Variants in CDH17 observed in about 807,000 individuals in gnomAD.
CDH17 encodes cadherin 17.
Under a neutral mutation model 86.3 loss-of-function variants are expected in CDH17, and 67 were observed. The ratio of observed to expected loss-of-function variants is 0.78; its 90% CI spans 0.64 to 0.95. CDH17 has a LOEUF of 0.95. CDH17 is among the 40% of genes least tolerant of loss of function. CDH17 has a pLI of 0.00. For missense variants in CDH17, 993 were observed against 1,017.6 expected, an observed-to-expected ratio of 0.98 and a Z score of 0.33; for synonymous variants, 367 against 366.4, an observed-to-expected ratio of 1.00 and a Z score of -0.02.
At chr8:94,166,517 G>T (rs1299697519) in intron 9 of CDH17, among the ~76,000 whole-genome samples, 1 of 152,198 alleles carries the variant, frequency 6.6e-6, no homozygotes, top group Non-Finnish European at 1.5e-5. Flanking sequence ...GGAAGATGTA[G>T]CCTAGAACAG....
chr8:94,188,043 T>C (rs550928024), intron 3 of CDH17, among the ~76,000 whole-genome samples: 152 of 152,228 alleles, frequency 1.0e-3, no homozygotes, highest in African/African-American at 3.4e-3. Flanking sequence ...CTCTCCTCTG[T>C]GGAGGGGAAC....
chr8:94,152,189 A>T, intron 12 of CDH17, 77 bp from the exon 13 acceptor site: 1 of 1,481,172 alleles, frequency 6.8e-7, no homozygotes, highest in Non-Finnish European at 9.2e-7. Flanking sequence ...TCCTTCTTAA[A>T]CTCTCATATA....
chr8:94,182,974 C>A (rs1813511057), intron 3 of CDH17, among the ~76,000 whole-genome samples: 1 of 151,796 alleles, frequency 6.6e-6, no homozygotes, highest in African/African-American at 2.4e-5. Flanking sequence ...AAATAGCAAC[C>A]CAAAAATGAT....
At position 94,195,847 on chromosome 8, in the gene CDH17, G is replaced by A. The variant is rs979773634; in HGVS notation, c.-20-1142C>T. Among the ~76,000 whole-genome samples, 6 of 151,160 alleles carry A rather than the reference G, an allele frequency of 4.0e-5. No homozygotes were observed. In the East Asian group the frequency reaches 7.8e-4, roughly 20 times the overall value. On this transcript the variant is annotated intron_variant, in intron 1 of 17. Coordinates refer to ENST00000027335, the MANE Select transcript of CDH17 (RefSeq NM_004063.4). ...ACGATCTCAGCTTATTGCAAGCTCC[G>A]CCTCCCAGGTTTACACCATTCTCCT...
At chr8:94,214,099 C>G (rs1389625690) in intron 1 of CDH17, among the ~76,000 whole-genome samples, 1 of 152,212 alleles carries the variant, frequency 6.6e-6, no homozygotes, top group Non-Finnish European at 1.5e-5. Flanking sequence ...ATGTGCACAA[C>G]AAACTCCACA....
chr8:94,206,263 C>T (rs1435214960), intron 1 of CDH17, among the ~76,000 whole-genome samples: 4 of 152,078 alleles, frequency 2.6e-5, no homozygotes, highest in Non-Finnish European at 5.9e-5. Context: ...AGTAAACATT[C>T]CTTCTTCTTC....
intron 3 of CDH17, among the ~76,000 whole-genome samples, chr8:94,188,915 G>A (rs1813631429): frequency 6.6e-6 from 1 of 152,154 alleles, no homozygotes; most frequent in Non-Finnish European, 1.5e-5. Context: ...TACTCTAGGG[G>A]AGAGGCAGAG....
At chr8:94,189,909 G>GA (rs888974264) in intron 2 of CDH17, among the ~76,000 whole-genome samples, 46 of 152,202 alleles carry the variant, frequency 3.0e-4, no homozygotes, top group African/African-American at 1.1e-3. Flanking sequence ...CATTCATTTA[G>GA]AAAAAAATAA....
rs1586250245 is a variant in CDH17, at chr8:94,160,011, G to C, written c.1511C>G (p.Thr504Arg). 4.3e-6 allele frequency: 7 copies of C among 1,613,274 alleles called. No individual in the cohort carries two copies. Among genetic ancestry groups the C allele is most frequent in the Non-Finnish European group, 5.9e-6 (7 of 1,179,562 alleles). The change falls in exon 12 of 18, where the codon ACA becomes AGA. Residue 504 changes from threonine (T) to arginine (R), a missense_variant. Thr to Arg is a moderately conservative substitution (Grantham distance 71, BLOSUM62 -1). Coordinates refer to ENST00000027335, the MANE Select transcript of CDH17 (RefSeq NM_004063.4). ...ATATCCGGTGTTGGTATGGGGATCT[G>C]TGTCAACCCCCAGGCGTCCCTCACT... ...GDSEGRLGVD[T>R]DPHTNTGYVI... is the part of the protein sequence containing the mutation.
At chr8:94,197,822 C>T (rs1202551213) in intron 1 of CDH17, among the ~76,000 whole-genome samples, 1 of 131,790 alleles carries the variant, frequency 7.6e-6, no homozygotes, top group Admixed American at 7.8e-5. Context: ...TGGAACGAGA[C>T]TCTGTCTAAA....
intron 14 of CDH17, among the ~76,000 whole-genome samples, chr8:94,147,557 T>C (rs1812767916): frequency 1.3e-5 from 2 of 152,312 alleles, no homozygotes; most frequent in African/African-American, 2.4e-5. Flanking sequence ...TCTTTTTTGG[T>C]AAACCTGCCA....
chr8:94,154,694 A>G (rs1399398264), intron 12 of CDH17, among the ~76,000 whole-genome samples: 1 of 152,172 alleles, frequency 6.6e-6, no homozygotes, highest in Non-Finnish European at 1.5e-5. Flanking sequence ...TTCCATCCTC[A>G]AACTGACAAG....
At chr8:94,152,494 T>C (rs1217885075) in intron 12 of CDH17, among the ~76,000 whole-genome samples, 1 of 152,182 alleles carries the variant, frequency 6.6e-6, no homozygotes, top group East Asian at 1.9e-4. Flanking sequence ...CCCAGGTTTG[T>C]TCAAGTGATT....
Position 94,170,531 on chromosome 8 carries a change from A to G in CDH17, c.932T>C (p.Val311Ala). Residue 311 changes from valine to alanine, a missense_variant, in exon 9 of 18, where the codon GTT (valine) becomes GCT (alanine). Transcript: ENST00000027335. ...TGGTTTTCCGTACTCATCCTTTGCA[A>G]CTGCATAAAAAACATACTACAACAG... Reference protein sequence around the residue: ...EEKDAYVFYAVAKDEYGKPLS... With the variant: ...EEKDAYVFYAAAKDEYGKPLS... 6.2e-7 allele frequency: 1 copy of G among 1,613,818 alleles called. No homozygotes were observed. Among genetic ancestry groups the G allele is most frequent in the Non-Finnish European group, 8.5e-7 (1 of 1,179,816 alleles).
At chr8:94,156,431 G>A (rs916054708) in intron 12 of CDH17, among the ~76,000 whole-genome samples, 1 of 152,146 alleles carries the variant, frequency 6.6e-6, no homozygotes, top group Non-Finnish European at 1.5e-5. Context: ...CAGGATCTCA[G>A]GAGAGTTATT....
At chr8:94,171,159 C>T (rs1345633750) in intron 7 of CDH17, among the ~76,000 whole-genome samples, 174 bp from the exon 8 acceptor site, 1 of 152,104 alleles carries the variant, frequency 6.6e-6, no homozygotes, top group Non-Finnish European at 1.5e-5. Flanking sequence ...CTGTTTCCCC[C>T]CACCAAGTTA....
chr8:94,196,374 G>A (rs1438264025), intron 1 of CDH17, among the ~76,000 whole-genome samples: 1 of 152,146 alleles, frequency 6.6e-6, no homozygotes. Context: ...CCTTTATTAA[G>A]CATCACCCAG....
chr8:94,196,150 C>T (rs1384937825), intron 1 of CDH17, among the ~76,000 whole-genome samples: 3 of 152,170 alleles, frequency 2.0e-5, no homozygotes, highest in African/African-American at 4.8e-5. Context: ...TGGTTTACTT[C>T]ATCATCTTAT....
At chr8:94,144,223 C>T (rs1451445031) in intron 15 of CDH17, among the ~76,000 whole-genome samples, 2 of 152,234 alleles carry the variant, frequency 1.3e-5, no homozygotes, top group African/African-American at 2.4e-5. Flanking sequence ...GTCTGTGGAG[C>T]GTCAGAACGT....
Sources: allele counts gnomAD v4.1 joint callset (sites outside exome capture counted in the v4.1 genomes callset), GRCh38; gene constraint gnomAD v4.1.1; transcripts MANE v1.5; gene names NCBI Gene and HGNC (gene_info 2026-07-23, HGNC 2026-07-21).